IMMP1L: variants seen among roughly 807,000 people sequenced by gnomAD.
IMMP1L encodes the protein inner mitochondrial membrane peptidase subunit 1, also known as mitochondrial inner membrane protease subunit 1.
A neutral mutation model predicts 21.8 loss-of-function variants in IMMP1L; 24 were observed. The ratio of observed to expected loss-of-function variants is 1.10; its 90% CI spans 0.80 to 1.55. IMMP1L has a LOEUF of 1.55. Ranked by LOEUF, IMMP1L falls within the 40% of genes most tolerant of loss-of-function variation. The pLI is 0.00. For missense variants in IMMP1L, 195 were observed against 200.7 expected, an observed-to-expected ratio of 0.97 and a Z score of 0.17; for synonymous variants, 46 against 62.8, an observed-to-expected ratio of 0.73 and a Z score of 1.26.
At chr11:31,473,057 TTTG>T (rs1954617850) in intron 1 of IMMP1L, among the ~76,000 whole-genome samples, 1 of 150,824 alleles carries the variant, frequency 6.6e-6, no homozygotes, top group Admixed American at 6.6e-5. Flanking sequence ...GTTGTTGTTG[TTTG>T]TTTTTTTGAG....
intron 4 of IMMP1L, among the ~76,000 whole-genome samples, chr11:31,441,660 T>A (rs1020083726): frequency 3.0e-4 from 46 of 152,104 alleles, no homozygotes; most frequent in African/African-American, 1.1e-3. Context: ...AAGTTGAAAA[T>A]TCAAACCAGA....
intron 4 of IMMP1L, among the ~76,000 whole-genome samples, chr11:31,443,119 A>G (rs1564969501): frequency 1.3e-5 from 2 of 152,196 alleles, no homozygotes; most frequent in Non-Finnish European, 2.9e-5. Flanking sequence ...TGGCCACTGT[A>G]TATTCTGCTT....
chr11:31,470,571 A>C (rs1336249407), intron 1 of IMMP1L, among the ~76,000 whole-genome samples: 1 of 152,218 alleles, frequency 6.6e-6, no homozygotes, highest in African/African-American at 2.4e-5. Context: ...ACATATATAA[A>C]AAAGAACACT....
chr11:31,497,524 C>T (rs1309553469), intron 1 of IMMP1L, among the ~76,000 whole-genome samples: 5 of 145,290 alleles, frequency 3.4e-5, no homozygotes, highest in East Asian at 2.0e-4. Flanking sequence ...TGCAGTGGTG[C>T]GATCTCCGCT....
intron 4 of IMMP1L, among the ~76,000 whole-genome samples, chr11:31,435,917 A>G (rs559388256): frequency 6.6e-6 from 1 of 152,294 alleles, no homozygotes; most frequent in South Asian, 2.1e-4. Flanking sequence ...AAATGGTTAT[A>G]AGGCTTGGAT....
intron 4 of IMMP1L, chr11:31,448,902 C>T: frequency 2.0e-6 from 2 of 978,510 alleles, no homozygotes; most frequent in African/African-American, 3.5e-5. Context: ...TGAAATTTAT[C>T]TTCAGAATTG....
At chr11:31,453,425 A>G (rs1444877032) in intron 4 of IMMP1L, among the ~76,000 whole-genome samples, 1 of 152,222 alleles carries the variant, frequency 6.6e-6, no homozygotes, top group Non-Finnish European at 1.5e-5. Flanking sequence ...AGCTCAATCA[A>G]GATATGAATA....
intron 1 of IMMP1L, among the ~76,000 whole-genome samples, chr11:31,482,643 G>A (rs977645742): frequency 6.6e-6 from 1 of 151,730 alleles, no homozygotes; most frequent in African/African-American, 2.4e-5. Flanking sequence ...AAATCATTAC[G>A]GTACACTACT....
At chr11:31,506,054 C>G (rs1268292283) in intron 1 of IMMP1L, among the ~76,000 whole-genome samples, 1 of 152,060 alleles carries the variant, frequency 6.6e-6, no homozygotes, top group Non-Finnish European at 1.5e-5. Context: ...GCACACTGTT[C>G]AAGGATCAAC....
At chr11:31,489,363 ATATC>A (rs1196917560) in intron 1 of IMMP1L, among the ~76,000 whole-genome samples, 1 of 152,184 alleles carries the variant, frequency 6.6e-6, no homozygotes, top group Non-Finnish European at 1.5e-5. Context: ...ACAATATCAC[ATATC>A]AATGTTATTA....
At chr11:31,438,067 CAGTA>C (rs1953186101) in intron 4 of IMMP1L, among the ~76,000 whole-genome samples, 1 of 152,194 alleles carries the variant, frequency 6.6e-6, no homozygotes, top group Non-Finnish European at 1.5e-5. Flanking sequence ...TATTTCTTTT[CAGTA>C]AGTATCTAAG....
chr11:31,505,042 G>A (rs1279131852), intron 1 of IMMP1L, among the ~76,000 whole-genome samples: 4 of 152,106 alleles, frequency 2.6e-5, no homozygotes, highest in African/African-American at 7.2e-5. Flanking sequence ...AGCAGGCCCC[G>A]TAGTGAACCT....
rs185838481 is a variant in IMMP1L, at chr11:31,463,294, G to A, written c.-18C>T. On this transcript the variant is annotated 5_prime_UTR_variant, in exon 2 of 6. Coordinates refer to ENST00000532287, the MANE Select transcript of IMMP1L (RefSeq NM_001304274.2). The stretch of plus-strand genomic sequence containing the variant: ...CGAAGCATAGTTCTATGTAGACTCT[G>A]CCACCATTGGCCTGATGGTAAATTT... 4 of 1,575,120 alleles carry A rather than the reference G, an allele frequency of 2.5e-6. No individual in the cohort carries two copies. Among genetic ancestry groups the A allele is most frequent in the East Asian group, 2.3e-5 (1 of 44,068 alleles).
chr11:31,471,279 G>A (rs1224829340), intron 1 of IMMP1L, among the ~76,000 whole-genome samples: 2 of 152,116 alleles, frequency 1.3e-5, no homozygotes, highest in South Asian at 2.1e-4. Context: ...AAACCTGTTT[G>A]GATAAGGCCC....
chr11:31,491,832 C>T (rs2133793106), intron 1 of IMMP1L, among the ~76,000 whole-genome samples: 1 of 152,342 alleles, frequency 6.6e-6, no homozygotes, highest in South Asian at 2.1e-4. Context: ...GAAGAATTCT[C>T]TTATGATGGC....
chr11:31,464,601 G>T (rs1429713596), intron 1 of IMMP1L, among the ~76,000 whole-genome samples: 1 of 152,108 alleles, frequency 6.6e-6, no homozygotes, highest in African/African-American at 2.4e-5. Context: ...GATCAGATGG[G>T]ATTTATCCCA....
chr11:31,433,396 C>T, intron 5 of IMMP1L, 64 bp downstream of exon 5: 1 of 923,384 alleles, frequency 1.1e-6, no homozygotes, highest in Non-Finnish European at 1.7e-6. Context: ...TTTCAGAGAT[C>T]ATTTTGAGAG....
chr11:31,490,015 A>G (rs1955203322), intron 1 of IMMP1L, among the ~76,000 whole-genome samples: 1 of 152,210 alleles, frequency 6.6e-6, no homozygotes, highest in African/African-American at 2.4e-5. Context: ...ATCTAATCTC[A>G]CATCTAATCT....
chr11:31,475,321 C>G (rs1954690838), intron 1 of IMMP1L, among the ~76,000 whole-genome samples: 1 of 152,152 alleles, frequency 6.6e-6, no homozygotes. Flanking sequence ...ATTAAATGAT[C>G]TATTTCAAAA....
Sources: gnomAD v4.1 joint callset for allele counts (sites outside exome capture counted in the v4.1 genomes callset) on GRCh38, gnomAD v4.1.1 for gene constraint, MANE v1.5 for transcripts, NCBI Gene and HGNC (gene_info 2026-07-23, HGNC 2026-07-21) for gene names.